Variants in MEF2C observed in about 807,000 individuals in gnomAD.
The protein encoded by MEF2C is myocyte enhancer factor 2C.
A neutral mutation model predicts 50.5 loss-of-function variants in MEF2C; 6 were observed. That is an observed-to-expected ratio of 0.12 (90% CI 0.07 to 0.23). MEF2C has a LOEUF of 0.23. Among genes scored for constraint, MEF2C ranks in the 10% least tolerant of loss-of-function variants. MEF2C has a pLI of 1.00. For synonymous variants in MEF2C, 183 were observed against 228.0 expected (o/e 0.80, Z 1.78); for missense variants, 276 against 605.0 (o/e 0.46, Z 5.70).
intron 1 of MEF2C, chr5:88,889,595 T>C (rs1834316066): frequency 6.7e-6 from 1 of 149,546 alleles, no homozygotes; most frequent in African/African-American, 2.5e-5. Context: ...CACGCTGGTT[T>C]GGCGCGGGGA....
At chr5:88,740,729 AG>A in intron 6 of MEF2C, 2 of 985,212 alleles carry the variant, frequency 2.0e-6, no homozygotes, top group Non-Finnish European at 2.4e-6. Context: ...GATTTACTGA[AG>A]GGATAGTTTT....
chr5:88,824,435 T>C lies in MEF2C; in HGVS notation c.-142-505A>G, dbSNP rs1809944898. 9 of 764,994 alleles carry C rather than the reference T, an allele frequency of 1.2e-5. 1 individual carries two copies. The South Asian group carries it at 3.5e-4, about 30-fold the overall frequency. The allele number at this position is 764,994 out of a possible 1,614,324, so 47.4% of individuals were successfully genotyped here. On this transcript the variant is annotated intron_variant, in intron 1 of 10. Coordinates refer to ENST00000504921, the MANE Select transcript of MEF2C (RefSeq NM_002397.5). ...GGACGATTATGAAAGTGCTATTTGA[T>C]ATATGTAAATGTCAACTAATTTAAA...
chr5:88,748,689 G>C, intron 6 of MEF2C: 1 of 833,648 alleles, frequency 1.2e-6, no homozygotes, highest in Non-Finnish European at 1.4e-6. Context: ...ATGCATAGAA[G>C]TTCAATACTT....
chr5:88,827,036 T>C (rs1198133200), intron 1 of MEF2C: 2 of 151,756 alleles, frequency 1.3e-5, no homozygotes, highest in African/African-American at 2.4e-5. Flanking sequence ...GGCTGCTTAC[T>C]AAAAAGGGGA....
intron 7 of MEF2C, among the ~76,000 whole-genome samples, chr5:88,731,041 C>G (rs1761284218): frequency 6.6e-6 from 1 of 152,112 alleles, no homozygotes; most frequent in South Asian, 2.1e-4. Flanking sequence ...ATGACAGGGT[C>G]TGGGGATATA....
At chr5:88,780,900 C>G in intron 3 of MEF2C, 1 of 985,320 alleles carries the variant, frequency 1.0e-6, no homozygotes, top group Non-Finnish European at 1.2e-6. Flanking sequence ...TCTAACTCCT[C>G]TTCTTGGATA....
At chr5:88,825,747 T>C (rs1193850616) in intron 1 of MEF2C, 2 of 438,520 alleles carry the variant, frequency 4.6e-6, no homozygotes, top group Non-Finnish European at 6.0e-6. Context: ...GTTAGAATGG[T>C]ATTTCCCATG....
At chr5:88,823,970 A>G in intron 1 of MEF2C, 40 bp from the exon 2 acceptor site, 1 of 1,389,952 alleles carries the variant, frequency 7.2e-7, no homozygotes, top group East Asian at 2.5e-5. Context: ...TCTAACAGCA[A>G]GTCAGTTTCA....
intron 1 of MEF2C, among the ~76,000 whole-genome samples, chr5:88,826,164 A>C (rs1192881716): frequency 1.3e-5 from 2 of 151,952 alleles, no homozygotes; most frequent in Admixed American, 6.6e-5. Context: ...CAGAGCAAGG[A>C]CTTAAAAAAA....
chr5:88,871,768 ACAATTCTGCATTTT>A (rs1279768998), intron 1 of MEF2C, among the ~76,000 whole-genome samples: 1 of 152,118 alleles, frequency 6.6e-6, no homozygotes, highest in Non-Finnish European at 1.5e-5. Flanking sequence ...ATCCTCAGGT[ACAATTCTGCATTTT>A]CTATACTTTA....
chr5:88,869,252 C>CATATATATATATATATATATAT (rs369495366), intron 1 of MEF2C, among the ~76,000 whole-genome samples: 3 of 89,988 alleles, frequency 3.3e-5, no homozygotes, highest in Admixed American at 2.9e-4. Flanking sequence ...AACTAGTTTT[C>CATATATATATATATATATATAT]ATATATATAT....
intron 2 of MEF2C, among the ~76,000 whole-genome samples, chr5:88,817,483 G>A (rs1267346691): frequency 1.3e-5 from 2 of 151,918 alleles, no homozygotes; most frequent in Non-Finnish European, 2.9e-5. Flanking sequence ...AGACTGAGAT[G>A]GGGACATAAG....
intron 1 of MEF2C, among the ~76,000 whole-genome samples, chr5:88,842,085 G>A (rs1817594281): frequency 6.6e-6 from 1 of 151,928 alleles, no homozygotes; most frequent in East Asian, 1.9e-4. Context: ...TTCTTTTTAA[G>A]GCTTGTGATT....
intron 2 of MEF2C, among the ~76,000 whole-genome samples, chr5:88,810,376 T>C (rs2153111916): frequency 6.6e-6 from 1 of 152,248 alleles, no homozygotes; most frequent in Admixed American, 6.5e-5. Context: ...AAAAATATAC[T>C]TCAAAAAATT....
chr5:88,750,193 C>CAT (rs1188733635), intron 5 of MEF2C: 19 of 530,094 alleles, frequency 3.6e-5, no homozygotes, highest in East Asian at 3.0e-4. Context: ...TATATATATA[C>CAT]ATATATATAC....
intron 7 of MEF2C, 179 bp downstream of exon 7, chr5:88,731,550 G>C (rs1352294459): frequency 5.1e-6 from 3 of 583,964 alleles, no homozygotes; most frequent in Non-Finnish European, 9.0e-6. Flanking sequence ...CACGGAAAAG[G>C]GAAATGCAAA....
At chr5:88,769,637 TCTATAG>T (rs1781525477) in intron 3 of MEF2C, among the ~76,000 whole-genome samples, 1 of 152,288 alleles carries the variant, frequency 6.6e-6, no homozygotes, top group South Asian at 2.1e-4. Flanking sequence ...TATATCTATA[TCTATAG>T]CTATAGTTGT....
chr5:88,883,749 C>T (rs1428569355), upstream of MEF2C: 2 of 152,238 alleles, frequency 1.3e-5, no homozygotes, highest in South Asian at 2.1e-4. Flanking sequence ...ATCAGTTTCA[C>T]TCTTGCAAAA....
At chr5:88,852,312 G>C (rs1821667782) in intron 1 of MEF2C, among the ~76,000 whole-genome samples, 1 of 152,128 alleles carries the variant, frequency 6.6e-6, no homozygotes, top group Non-Finnish European at 1.5e-5. Flanking sequence ...AAAAGTACCA[G>C]TGGTGGGGTA....
Sources: gnomAD v4.1 joint callset for allele counts (sites outside exome capture counted in the v4.1 genomes callset) on GRCh38, gnomAD v4.1.1 for gene constraint, MANE v1.5 for transcripts, NCBI Gene and HGNC (gene_info 2026-07-23, HGNC 2026-07-21) for gene names.